RCAN1: variants seen among roughly 807,000 people sequenced by gnomAD.
RCAN1 encodes regulator of calcineurin 1.
Under a neutral mutation model 22.9 loss-of-function variants are expected in RCAN1, and 11 were observed. The ratio of observed to expected loss-of-function variants is 0.48; its 90% confidence interval spans 0.30 to 0.79. The LOEUF (loss-of-function observed/expected upper bound fraction) is 0.79. Ranked by LOEUF, RCAN1 falls within the 30% of genes least tolerant of loss-of-function variation. The pLI is 0.06. For missense variants in RCAN1, 291 were observed against 337.8 expected (o/e 0.86, Z 1.09); for synonymous variants, 136 against 142.3 (o/e 0.96, Z 0.32).
intron 3 of RCAN1, among the ~76,000 whole-genome samples, chr21:34,520,840 C>A (rs1984457136): frequency 1.3e-5 from 2 of 152,222 alleles, no homozygotes; most frequent in African/African-American, 2.4e-5. Context: ...CTACTGCTCA[C>A]AATTCCACCA....
intron 1 of RCAN1, among the ~76,000 whole-genome samples, chr21:34,544,730 C>T (rs1370012431): frequency 6.6e-6 from 1 of 152,204 alleles, no homozygotes; most frequent in Non-Finnish European, 1.5e-5. Context: ...GAGGAGACTG[C>T]TGGTCCCCAA....
intron 3 of RCAN1, chr21:34,521,018 C>T: frequency 1.8e-6 from 2 of 1,095,526 alleles, no homozygotes; most frequent in Non-Finnish European, 2.2e-6. Flanking sequence ...GCCCTTCCCT[C>T]ACCATGGCCT....
intron 1 of RCAN1, among the ~76,000 whole-genome samples, chr21:34,525,969 G>A (rs957486696): frequency 1.3e-5 from 2 of 152,094 alleles, no homozygotes; most frequent in Admixed American, 1.3e-4. Context: ...ACACCACCAG[G>A]CACAAATACC....
chr21:34,607,325 GA>G (rs1210742904), intron 1 of RCAN1, among the ~76,000 whole-genome samples: 2 of 151,682 alleles, frequency 1.3e-5, no homozygotes, highest in East Asian at 3.9e-4. Flanking sequence ...AATCAGATTA[GA>G]AAAAAATCCT....
chr21:34,529,260 G>A (rs988307176), intron 1 of RCAN1, among the ~76,000 whole-genome samples: 3 of 152,180 alleles, frequency 2.0e-5, no homozygotes, highest in Admixed American at 6.5e-5. Context: ...GGGCACTTAG[G>A]ATCTGCCACC....
intron 1 of RCAN1, among the ~76,000 whole-genome samples, chr21:34,569,470 A>G (rs577871597): frequency 4.6e-5 from 7 of 152,320 alleles, no homozygotes; most frequent in Admixed American, 1.3e-4. Flanking sequence ...GTGATGTTTT[A>G]TGTGTTACCA....
In RCAN1 at chr21:34,521,192, C is replaced by A. The variant is rs1175902155; in HGVS notation, c.586+307G>T. On this transcript the variant is annotated intron_variant, in intron 3 of 3. Coordinates refer to ENST00000313806, the MANE Select transcript of RCAN1 (RefSeq NM_004414.7). ...GGAGCGACAGAACCTGGGGCCGGGG[C>A]TCAGGCCTCCCACGCAGGCTGTGCT... The A allele has an allele frequency of 1.3e-5, 18 of 1,370,450 alleles. No homozygotes were observed. The Admixed American group carries it at 2.3e-4, about 18-fold the overall frequency. 84.9% of individuals were successfully genotyped at this position (1,370,450 alleles called of 1,614,324 possible). A position where few individuals can be genotyped will look rare whatever the true frequency, so the allele number is the denominator to read the frequency against.
intron 1 of RCAN1, among the ~76,000 whole-genome samples, chr21:34,548,738 T>G (rs1365568720): frequency 1.3e-5 from 2 of 152,230 alleles, no homozygotes; most frequent in African/African-American, 4.8e-5. Flanking sequence ...TGCTATTAAC[T>G]TCTACATCTG....
intron 1 of RCAN1, among the ~76,000 whole-genome samples, chr21:34,585,114 TA>T (rs1472248353): frequency 3.9e-5 from 6 of 152,250 alleles, no homozygotes; most frequent in African/African-American, 1.4e-4. Flanking sequence ...GAATAATTTC[TA>T]AAGATTAAGA....
chr21:34,599,770 T>G (rs760649683), intron 1 of RCAN1, among the ~76,000 whole-genome samples: 1 of 152,174 alleles, frequency 6.6e-6, no homozygotes, highest in African/African-American at 2.4e-5. Context: ...AAGTGATAGT[T>G]GGTCATAAAA....
chr21:34,529,136 G>A (rs1053001422), intron 1 of RCAN1, among the ~76,000 whole-genome samples: 1 of 152,118 alleles, frequency 6.6e-6, no homozygotes, highest in Non-Finnish European at 1.5e-5. Flanking sequence ...TTTAGATCAG[G>A]AGTAAGAGCC....
chr21:34,555,053 A>T (rs1986506283), intron 1 of RCAN1, among the ~76,000 whole-genome samples: 1 of 152,238 alleles, frequency 6.6e-6, no homozygotes, highest in African/African-American at 2.4e-5. Context: ...GCCAAACCAT[A>T]TCAGAGGGAA....
In RCAN1 at chr21:34,614,920, C is replaced by A. The variant is rs1185546503; in HGVS notation, c.92G>T (p.Arg31Leu). Residue 31 changes from arginine to leucine, a missense_variant, in exon 1 of 4, where the codon CGG becomes CTG. Physicochemically the swap from Arg to Leu is moderately radical, Grantham distance 102. Coordinates refer to ENST00000313806, the MANE Select transcript of RCAN1 (RefSeq NM_004414.7). The surrounding 1 kb of genome is among the most constrained non-coding windows in gnomAD (Gnocchi z 6.0). ...CGCCCCCGAGAGGGGCGCGAAGGGC[C>A]GCAGCGTCACCCCGGGCCGCGCTCG... Reference protein sequence around the residue: ...EARARPGVTLRPFAPLSGAAE... With the variant: ...EARARPGVTLLPFAPLSGAAE... The A allele has an allele frequency of 2.2e-6, 3 of 1,390,810 alleles. No individual in the cohort carries two copies. The allele number at this position is 1,390,810 out of a possible 1,614,324, so 86.2% of individuals were successfully genotyped here. A position where few individuals can be genotyped will look rare whatever the true frequency, so the allele number is the denominator to read the frequency against.
At chr21:34,594,809 C>T (rs1319512901) in intron 1 of RCAN1, among the ~76,000 whole-genome samples, 5 of 152,180 alleles carry the variant, frequency 3.3e-5, no homozygotes, top group South Asian at 2.1e-4. Flanking sequence ...GCCAGGCCTC[C>T]GTGTCTTCAC....
At chr21:34,550,069 T>C (rs1184850587) in intron 1 of RCAN1, among the ~76,000 whole-genome samples, 1 of 152,202 alleles carries the variant, frequency 6.6e-6, no homozygotes, top group Admixed American at 6.5e-5. Flanking sequence ...CATTCTATTA[T>C]CTGTGGACAC....
At chr21:34,519,397 C>CTTTTTTTTTTTTTTTTTT (rs34152667) in intron 3 of RCAN1, among the ~76,000 whole-genome samples, 9 of 102,774 alleles carry the variant, frequency 8.8e-5, no homozygotes, top group Middle Eastern at 5.2e-3. Context: ...TTCTTTCTTT[C>CTTTTTTTTTTTTTTTTTT]TTTTTTTTTT....
At chr21:34,553,383 T>C (rs1032725759) in intron 1 of RCAN1, among the ~76,000 whole-genome samples, 1 of 152,210 alleles carries the variant, frequency 6.6e-6, no homozygotes, top group African/African-American at 2.4e-5. Flanking sequence ...GGTGTCTGGA[T>C]CAGTATGCCA....
In RCAN1 at chr21:34,601,757, G is replaced by T. The variant is rs62211912; in HGVS notation, c.252+13003C>A. Among the ~76,000 whole-genome samples, 1,203 of 150,502 alleles carry T rather than the reference G, an allele frequency of 8.0e-3. 9 individuals are homozygous for T. The highest frequency in any genetic ancestry group is 0.014 in the Non-Finnish European group (941 of 67,824). On this transcript the variant is annotated intron_variant, in intron 1 of 3. Transcript: ENST00000313806. ...GGCGTGAACCTGGGAGGCGGAGCTT[G>T]CAGTGAGCCGAGATCGTGCCACTGC... is the stretch of plus-strand genomic sequence containing the variant.
At position 34,518,967 on chromosome 21, in the gene RCAN1, C is replaced by T. The variant is rs371952070; in HGVS notation, c.587-711G>A. 3.9e-5 allele frequency among the ~76,000 whole-genome samples: 6 copies of T among 152,324 alleles called. No individual in the cohort carries two copies. Among genetic ancestry groups the T allele is most frequent in the East Asian group, 1.9e-4 (1 of 5,192 alleles). On this transcript the variant is annotated intron_variant, in intron 3 of 3. Transcript: ENST00000313806. The surrounding 1 kb of genome is among the most constrained non-coding windows in gnomAD (Gnocchi z 4.2). The stretch of plus-strand genomic sequence containing the variant: ...GTAGAATGAAGGGACTGGGGCCTCC[C>T]GCTGGGGTGCCGCTCTGGCCACGGG...
Sources: allele counts gnomAD v4.1 joint callset (sites outside exome capture counted in the v4.1 genomes callset), GRCh38; gene constraint gnomAD v4.1.1; non-coding constraint Gnocchi (gnomAD v3.1); transcripts MANE v1.5; gene names NCBI Gene and HGNC (gene_info 2026-07-23, HGNC 2026-07-21).